The following SLC24A5 variants were observed in gnomAD, a reference collection of about 807,000 sequenced individuals.
SLC24A5 encodes sodium/potassium/calcium exchanger 5.
In SLC24A5, 46 loss-of-function variants were observed where a neutral mutation model predicts 51.6. That is an observed-to-expected ratio of 0.89 (90% CI 0.70 to 1.14). The LOEUF (loss-of-function observed/expected upper bound fraction) is 1.14, where lower values mean the gene tolerates loss of function less well. Among genes scored for constraint, SLC24A5 ranks in the 50% most tolerant of loss-of-function variants. The pLI, the probability that SLC24A5 is intolerant of heterozygous loss-of-function variation, is 0.00. For missense variants in SLC24A5, 581 were observed against 604.1 expected, an observed-to-expected ratio of 0.96 and a Z score of 0.40; for synonymous variants, 230 against 214.9, an observed-to-expected ratio of 1.07 and a Z score of -0.62.
chr15:48,125,555 C>T (rs1020418838), intron 2 of SLC24A5, among the ~76,000 whole-genome samples: 3 of 152,048 alleles, frequency 2.0e-5, no homozygotes, highest in Admixed American at 1.3e-4. Flanking sequence ...TTTGAACCAT[C>T]TTACAAGAAA....
At chr15:48,138,106 A>C (rs1222795791) in intron 6 of SLC24A5, 2 of 152,088 alleles carry the variant, frequency 1.3e-5, no homozygotes, top group Non-Finnish European at 2.9e-5. Flanking sequence ...AACGCAAAAG[A>C]ACCAATCCAA....
chr15:48,132,508 C>G (rs932506933), intron 2 of SLC24A5, among the ~76,000 whole-genome samples: 2 of 152,124 alleles, frequency 1.3e-5, no homozygotes, highest in African/African-American at 4.8e-5. Context: ...ATAGTAAGTA[C>G]TCAATAAATA....
At chr15:48,138,779 C>T in intron 6 of SLC24A5, 190 bp from the exon 7 acceptor site, 1 of 559,474 alleles carries the variant, frequency 1.8e-6, no homozygotes, top group Non-Finnish European at 3.2e-6. Context: ...TCACATCTTA[C>T]ATTGTCTGCC....
chr15:48,136,782 T>G lies in SLC24A5; in HGVS notation c.690T>G (p.Pro230=), dbSNP rs1267058809. ...INQYIIKKCS[P]CCACLAKAME... ...AATATATTATAAAGAAATGCAGTCCTTGCTGCGCCTGTCTTGCCAAAGCTA... is the reference window on the plus strand; with the variant it reads ...AATATATTATAAAGAAATGCAGTCCGTGCTGCGCCTGTCTTGCCAAAGCTA... The change falls in exon 6 of 9, where the codon CCT becomes CCG. Residue 230 remains proline, a synonymous_variant. Transcript: ENST00000341459. 6.2e-7 allele frequency: 1 copy of G among 1,613,750 alleles called. No homozygotes were observed. The highest frequency in any genetic ancestry group is 2.2e-5 in the East Asian group (1 of 44,866).
At chr15:48,131,792 G>GA (rs1222203999) in intron 2 of SLC24A5, among the ~76,000 whole-genome samples, 1 of 152,142 alleles carries the variant, frequency 6.6e-6, no homozygotes, top group African/African-American at 2.4e-5. Flanking sequence ...ACTGCAGGTA[G>GA]ATGTTCAACA....
intron 8 of SLC24A5, 44 bp downstream of exon 8, chr15:48,141,258 C>A: frequency 2.1e-6 from 3 of 1,411,890 alleles, no homozygotes; most frequent in Non-Finnish European, 3.0e-6. Flanking sequence ...TTCTACAAGG[C>A]TAGAATGAGT....
intron 5 of SLC24A5, chr15:48,136,090 A>T (rs2140737288): frequency 6.6e-6 from 1 of 152,302 alleles, no homozygotes; most frequent in South Asian, 2.1e-4. Flanking sequence ...GTATAATTTT[A>T]TATTTTAGAA....
At chr15:48,126,181 C>T (rs999125680) in intron 2 of SLC24A5, among the ~76,000 whole-genome samples, 3 of 152,154 alleles carry the variant, frequency 2.0e-5, no homozygotes, top group African/African-American at 7.2e-5. Context: ...TTGCTCTGCT[C>T]ATGATCATAA....
chr15:48,127,568 CAGTGCTTTGGG>C (rs67844090), intron 2 of SLC24A5, among the ~76,000 whole-genome samples: 140,628 of 152,078 alleles, frequency 0.92, 65,746 homozygotes, highest in Non-Finnish European at 1. Context: ...CCTGTAATCC[CAGTGCTTTGGG>C]AGTCCAAGGT....
intron 1 of SLC24A5, among the ~76,000 whole-genome samples, 164 bp downstream of exon 1, chr15:48,121,329 A>G (rs2038677000): frequency 1.3e-5 from 2 of 152,208 alleles, no homozygotes; most frequent in Non-Finnish European, 2.9e-5. Flanking sequence ...TGATCCTTCA[A>G]ATAAGTTCTT....
Position 48,126,403 on chromosome 15 carries a change from G to C in SLC24A5, c.301+4367G>C, listed in dbSNP as rs369263129. ...AGAAGCTAATAATTCTCTGAACACA[G>C]AGGGCTGAAATGAAATTAATTGGTG... On this transcript the variant is annotated intron_variant, in intron 2 of 8. Coordinates refer to ENST00000341459, the MANE Select transcript of SLC24A5 (RefSeq NM_205850.3). 1.3e-3 allele frequency among the ~76,000 whole-genome samples: 194 copies of C among 152,306 alleles called. 7 individuals carry two copies. The South Asian group carries it at 0.038, about 30-fold the overall frequency.
At chr15:48,140,869 C>A in intron 7 of SLC24A5, 1 of 355,644 alleles carries the variant, frequency 2.8e-6, no homozygotes. Flanking sequence ...TTCTCACTGG[C>A]AGAATTTTAG....
intron 2 of SLC24A5, among the ~76,000 whole-genome samples, chr15:48,127,684 G>A (rs2038746069): frequency 6.6e-6 from 1 of 152,088 alleles, no homozygotes; most frequent in East Asian, 1.9e-4. Flanking sequence ...CAGTCGTGGT[G>A]GCAGGCACCT....
Position 48,142,140 on chromosome 15 carries a change from C to T in SLC24A5, c.1292C>T (p.Ala431Val). 1.2e-6 allele frequency: 2 copies of T among 1,613,826 alleles called. No homozygotes were observed. Among genetic ancestry groups the T allele is most frequent in the Non-Finnish European group, 1.7e-6 (2 of 1,179,844 alleles). The change falls in exon 9 of 9, where the codon GCA becomes GTA. Residue 431 changes from alanine (A) to valine (V), a missense_variant. Transcript: ENST00000341459. The stretch of plus-strand genomic sequence containing the variant: ...GCATTTATAAATGGATCAGCTCCTG[C>T]AGAAGTAAACAGCAGAGGACTAACT... Reference protein sequence around the residue: ...KTAFINGSAPAEVNSRGLTYI... With the variant: ...KTAFINGSAPVEVNSRGLTYI...
intron 7 of SLC24A5, 45 bp downstream of exon 7, chr15:48,139,220 A>C: frequency 6.6e-7 from 1 of 1,513,440 alleles, no homozygotes; most frequent in Non-Finnish European, 9.1e-7. Flanking sequence ...ATATTCATAT[A>C]AGAACAAATT....
intron 1 of SLC24A5, 94 bp from the exon 2 acceptor site, chr15:48,121,763 A>G: frequency 7.9e-7 from 1 of 1,258,038 alleles, no homozygotes; most frequent in South Asian, 1.4e-5. Context: ...CCACCCGGTT[A>G]CCCCACACTT....
chr15:48,121,711 A>G, intron 1 of SLC24A5, 146 bp from the exon 2 acceptor site: 1 of 811,248 alleles, frequency 1.2e-6, no homozygotes, highest in South Asian at 1.7e-5. Context: ...ACTGTGTTAT[A>G]TTCAGAAGCG....
intron 2 of SLC24A5, 169 bp downstream of exon 2, chr15:48,122,205 C>T: frequency 1.5e-6 from 1 of 683,406 alleles, no homozygotes; most frequent in African/African-American, 1.8e-5. Context: ...TGTGGTTTCT[C>T]TTGGTAGTTA....
Position 48,136,837 on chromosome 15 carries a change from G to C in SLC24A5, c.745G>C (p.Gly249Arg), listed in dbSNP as rs138230830. ...GAGAAGTGAACAACAGCCACTGATG[G>C]GCTGGGAAGATGAAGGTCAACCATT... ...MERSEQQPLM[G>R]WEDEGQPFIR... Residue 249 changes from glycine (G) to arginine (R), a missense_variant, in exon 6 of 9, where the codon GGC (glycine) becomes CGC (arginine). Transcript: ENST00000341459. 9.9e-6 allele frequency: 16 copies of C among 1,613,710 alleles called. No individual in the cohort carries two copies. The African/African-American group carries it at 1.6e-4, about 16-fold the overall frequency.
Sources: allele counts gnomAD v4.1 joint callset (sites outside exome capture counted in the v4.1 genomes callset), GRCh38; gene constraint gnomAD v4.1.1; transcripts MANE v1.5; gene names NCBI Gene and HGNC (gene_info 2026-07-23, HGNC 2026-07-21).